Variants in QSOX1 observed in about 807,000 individuals in gnomAD.
The protein encoded by QSOX1 is sulfhydryl oxidase 1.
A neutral mutation model predicts 76.1 loss-of-function variants in QSOX1; 40 were observed. The ratio of observed to expected loss-of-function variants is 0.53; its 90% confidence interval spans 0.41 to 0.68. QSOX1 has a LOEUF of 0.68. Ranked by LOEUF, QSOX1 falls within the 30% of genes least tolerant of loss-of-function variation. QSOX1 has a pLI of 0.00. For missense variants in QSOX1, 931 were observed against 974.3 expected, an observed-to-expected ratio of 0.96 and a Z score of 0.59; for synonymous variants, 392 against 413.1, an observed-to-expected ratio of 0.95 and a Z score of 0.62.
chr1:180,159,006 C>G (rs1662433432), intron 1 of QSOX1, among the ~76,000 whole-genome samples: 2 of 152,188 alleles, frequency 1.3e-5, no homozygotes, highest in African/African-American at 2.4e-5. Context: ...ACCCAGTGCC[C>G]TCCCTGCACT....
At chr1:180,189,894 C>T (rs909556043) in intron 9 of QSOX1, among the ~76,000 whole-genome samples, 1 of 152,214 alleles carries the variant, frequency 6.6e-6, no homozygotes, top group African/African-American at 2.4e-5. Context: ...ATATTCTCCC[C>T]ATTTAGCAGA....
rs1235199234 is a variant in QSOX1 at position 180,202,524 on chromosome 1, G to A, written c.*5487G>A. 1 of 152,046 alleles carries A rather than the reference G, an allele frequency of 6.6e-6. No homozygotes were observed. The highest frequency in any genetic ancestry group is 1.9e-4 in the East Asian group (1 of 5,188). 9.4% of individuals were successfully genotyped at this position (152,046 alleles called of 1,614,324 possible). On this transcript the variant is annotated 3_prime_UTR_variant, in exon 12 of 12. Transcript: ENST00000367602. ...CCCCATCAAGTTCTTAACCATCCCGGGTTCCAATGGTTACAGAGTTCTGCC... is the reference window on the plus strand; with the variant it reads ...CCCCATCAAGTTCTTAACCATCCCGAGTTCCAATGGTTACAGAGTTCTGCC...
intron 1 of QSOX1, among the ~76,000 whole-genome samples, chr1:180,165,241 G>C (rs1255214490): frequency 2.0e-5 from 3 of 152,242 alleles, no homozygotes; most frequent in Non-Finnish European, 4.4e-5. Flanking sequence ...TGGGCTGCCT[G>C]TGTAAATTCC....
At chr1:180,189,445 C>G in intron 8 of QSOX1, 107 bp from the exon 9 acceptor site, 10 of 372,608 alleles carry the variant, frequency 2.7e-5, no homozygotes, top group Non-Finnish European at 4.4e-5. Flanking sequence ...CACTGCCCCC[C>G]GCCCCCCGCC....
intron 10 of QSOX1, 144 bp downstream of exon 10, chr1:180,190,724 C>G: frequency 9.5e-7 from 1 of 1,055,706 alleles, no homozygotes; most frequent in Non-Finnish European, 1.4e-6. Context: ...CCTTGGGGCT[C>G]TGGCTGGATT....
At chr1:180,187,760 G>A (rs1223570073) in intron 8 of QSOX1, among the ~76,000 whole-genome samples, 1 of 152,228 alleles carries the variant, frequency 6.6e-6, no homozygotes, top group Non-Finnish European at 1.5e-5. Context: ...GGGCCCTCGG[G>A]GTAGGGCTGG....
chr1:180,196,459 C>T lies in QSOX1; in HGVS notation c.1666C>T (p.Gln556Ter). 2 of 1,614,004 alleles carry T rather than the reference C, an allele frequency of 1.2e-6. No individual in the cohort carries two copies. Among genetic ancestry groups the T allele is most frequent in the Non-Finnish European group, 1.7e-6 (2 of 1,179,872 alleles). ...AAGSAARRDV[Q>*]NVAAAPELAM... ...TGGGTCAGCTGCCCGGAGGGATGTG[C>T]AGAATGTGGCAGCCGCCCCAGAGCT... Residue 556 changes from glutamine (Q) to a stop codon, truncating the protein, a stop_gained, in exon 12 of 12, where the codon CAG (glutamine) becomes TAG (stop). Coordinates refer to ENST00000367602, the MANE Select transcript of QSOX1 (RefSeq NM_002826.5). LOFTEE classifies it high-confidence loss of function. This position sits in a 1 kb window ranked among gnomAD's most constrained non-coding sequence, Gnocchi z 4.1.
At chr1:180,167,446 A>C (rs892647141) in intron 2 of QSOX1, among the ~76,000 whole-genome samples, 7 of 152,230 alleles carry the variant, frequency 4.6e-5, no homozygotes, top group Non-Finnish European at 2.9e-5. Flanking sequence ...TCCCTGGAAC[A>C]AGATACCTCT....
chr1:180,175,667 G>A (rs1662871024), intron 3 of QSOX1, among the ~76,000 whole-genome samples: 1 of 152,182 alleles, frequency 6.6e-6, no homozygotes, highest in South Asian at 2.1e-4. Context: ...GAGCAGACCA[G>A]AGCCCTTGGG....
Position 180,192,177 on chromosome 1 carries a change from C to A in QSOX1, c.1288+1597C>A, listed in dbSNP as rs112391876. Among the ~76,000 whole-genome samples, 1,123 of 152,262 alleles carry A rather than the reference C, an allele frequency of 7.4e-3. 13 individuals are homozygous for A. The highest frequency in any genetic ancestry group is 0.025 in the African/African-American group (1,056 of 41,522). On this transcript the variant is annotated intron_variant, in intron 10 of 11. Transcript: ENST00000367602. ...GACATAATTCAGCCCATAGCACAGG[C>A]TGGAGACCAGCAGGTGCAAAGGACA... is the stretch of plus-strand genomic sequence containing the variant.
chr1:180,177,097 T>C (rs1015345986), intron 4 of QSOX1, among the ~76,000 whole-genome samples: 2 of 152,186 alleles, frequency 1.3e-5, no homozygotes, highest in African/African-American at 4.8e-5. Context: ...CATGTCAGCC[T>C]GTGCCCTGGT....
At chr1:180,193,871 G>A (rs1663388729) in intron 10 of QSOX1, among the ~76,000 whole-genome samples, 1 of 152,148 alleles carries the variant, frequency 6.6e-6, no homozygotes, top group Non-Finnish European at 1.5e-5. Context: ...GTGGCCCTCT[G>A]GCCCCTGCTG....
rs1663534455 is a variant in QSOX1, at chr1:180,197,648, G to C, written c.*611G>C. On this transcript the variant is annotated 3_prime_UTR_variant, in exon 12 of 12. Coordinates refer to ENST00000367602, the MANE Select transcript of QSOX1 (RefSeq NM_002826.5). ...GAAGTCGTGCTGGTCTCCCAGGTGA[G>C]GCAAGCCATGGTTGCTGGGCTGTAG... 1 of 454,334 alleles carries C rather than the reference G, an allele frequency of 2.2e-6. No individual in the cohort carries two copies. Among genetic ancestry groups the C allele is most frequent in the African/African-American group, 2.0e-5 (1 of 50,586 alleles). The allele number at this position is 454,334 out of a possible 1,614,324, so 28.1% of individuals were successfully genotyped here.
At chr1:180,194,995 C>CGGGG (rs772916868) in intron 11 of QSOX1, among the ~76,000 whole-genome samples, 3 of 133,164 alleles carry the variant, frequency 2.3e-5, no homozygotes, top group South Asian at 2.8e-4. Context: ...TGACAGCCTC[C>CGGGG]CGGGGGGGGG....
At position 180,154,919 on chromosome 1, in the gene QSOX1, C is replaced by T; in HGVS notation, c.12C>T (p.Cys4=). 4.8e-6 allele frequency: 7 copies of T among 1,461,864 alleles called. No individual in the cohort carries two copies. The highest frequency in any genetic ancestry group is 5.4e-6 in the Non-Finnish European group (6 of 1,115,326). 90.6% of individuals were successfully genotyped at this position (1,461,864 alleles called of 1,614,324 possible). ...GCGCAGCGCCGAGGATGAGGAGGTG[C>T]AACAGCGGCTCCGGGCCGCCGCCGT... is the stretch of plus-strand genomic sequence containing the variant. MRR[C]NSGSGPPPSL... The change falls in exon 1 of 12, where the codon TGC becomes TGT. Residue 4 remains cysteine (C), a synonymous_variant. Transcript: ENST00000367602.
intron 2 of QSOX1, among the ~76,000 whole-genome samples, chr1:180,172,131 G>A (rs904858650): frequency 3.3e-5 from 5 of 152,130 alleles, no homozygotes; most frequent in Non-Finnish European, 5.9e-5. Context: ...CGAGAAGGAA[G>A]GAGGGCCTCT....
chr1:180,178,064 C>T (rs1662941522), intron 4 of QSOX1, among the ~76,000 whole-genome samples: 1 of 152,158 alleles, frequency 6.6e-6, no homozygotes. Context: ...TGACTTGTCA[C>T]AGTTCCAGAC....
rs909441653 is a variant in QSOX1 at position 180,154,895 on chromosome 1, C to G, written c.-13C>G. The G allele has an allele frequency of 1.4e-6, 2 of 1,425,448 alleles. No homozygotes were observed. Among genetic ancestry groups the G allele is most frequent in the East Asian group, 2.9e-5 (1 of 33,972 alleles). The allele number at this position is 1,425,448 out of a possible 1,614,324, so 88.3% of individuals were successfully genotyped here. A position where few individuals can be genotyped will look rare whatever the true frequency, so the allele number is the denominator to read the frequency against. On this transcript the variant is annotated 5_prime_UTR_variant, in exon 1 of 12. Coordinates refer to ENST00000367602, the MANE Select transcript of QSOX1 (RefSeq NM_002826.5). ...TCCGGTGCTTGCGTGTGGTGGTGAG[C>G]GCAGCGCCGAGGATGAGGAGGTGCA...
chr1:180,170,859 G>A (rs1324803630), intron 2 of QSOX1, among the ~76,000 whole-genome samples: 1 of 152,220 alleles, frequency 6.6e-6, no homozygotes, highest in African/African-American at 2.4e-5. Context: ...CAGACACTGT[G>A]GAGCTTGCAG....
Sources: allele counts gnomAD v4.1 joint callset (sites outside exome capture counted in the v4.1 genomes callset), GRCh38; gene constraint gnomAD v4.1.1; non-coding constraint Gnocchi (gnomAD v3.1); transcripts MANE v1.5; gene names NCBI Gene and HGNC (gene_info 2026-07-23, HGNC 2026-07-21).